Variants in S100A13 observed in about 807,000 individuals in gnomAD.
The protein encoded by S100A13 is protein S100-A13.
Under a neutral mutation model 8.2 loss-of-function variants are expected in S100A13, and 6 were observed. The ratio of observed to expected loss-of-function variants is 0.73; its 90% CI spans 0.40 to 1.44. The LOEUF is 1.44. Among genes scored for constraint, S100A13 ranks in the 40% most tolerant of loss-of-function variants. The probability of loss-of-function intolerance (pLI) is 0.02; values close to 1 mark genes in which losing one functional copy is unlikely to be tolerated. For missense variants in S100A13, 114 were observed against 113.6 expected, an observed-to-expected ratio of 1.00 and a Z score of -0.02; for synonymous variants, 39 against 45.9, an observed-to-expected ratio of 0.85 and a Z score of 0.61.
chr1:153,626,590 T>C, intron 1 of S100A13, 57 bp from the exon 2 acceptor site: 4 of 1,040,044 alleles, frequency 3.8e-6, no homozygotes, highest in African/African-American at 1.6e-5. Context: ...GATGCAGGAA[T>C]GGTTCAGAAG....
chr1:153,622,270 C>T (rs546485722), intron 2 of S100A13, among the ~76,000 whole-genome samples: 2 of 152,024 alleles, frequency 1.3e-5, no homozygotes, highest in South Asian at 4.2e-4. Context: ...CTCAGGGAGG[C>T]TGAGCCAGGA....
chr1:153,630,440 T>C (rs1257315306), upstream of S100A13: 11 of 1,559,404 alleles, frequency 7.1e-6, no homozygotes, highest in East Asian at 1.1e-4. Flanking sequence ...GTCCTGAGGG[T>C]TCCCCTCACC....
At chr1:153,630,845 T>C (rs552011278), upstream of S100A13, among the ~76,000 whole-genome samples, 2 of 152,372 alleles carry the variant, frequency 1.3e-5, 1 homozygote, top group South Asian at 4.1e-4. Flanking sequence ...CAAAATGCCC[T>C]GGTTTATTGA....
chr1:153,632,577 A>G (rs1054344265), upstream of S100A13, among the ~76,000 whole-genome samples: 2 of 152,036 alleles, frequency 1.3e-5, no homozygotes, highest in Admixed American at 6.6e-5. Context: ...GGCCGAAAGA[A>G]TCTTCTTTCA....
chr1:153,627,990 A>G, upstream of S100A13: 1 of 1,530,978 alleles, frequency 6.5e-7, no homozygotes, highest in South Asian at 1.2e-5. Context: ...CCCCCAGAGA[A>G]GAGTCCTGGA....
At chr1:153,633,702 C>T (rs1422644600), upstream of S100A13, among the ~76,000 whole-genome samples, 3 of 152,138 alleles carry the variant, frequency 2.0e-5, no homozygotes, top group African/African-American at 7.2e-5. Flanking sequence ...CCCAATTGTC[C>T]GGAAGAAGAC....
intron 2 of S100A13, among the ~76,000 whole-genome samples, chr1:153,624,993 T>G (rs888621463): frequency 6.6e-6 from 1 of 152,106 alleles, no homozygotes; most frequent in Non-Finnish European, 1.5e-5. Flanking sequence ...GAGAACCACT[T>G]GAACCCAGGA....
At chr1:153,631,310 T>C, upstream of S100A13, 1 of 739,750 alleles carries the variant, frequency 1.4e-6, no homozygotes, top group African/African-American at 1.8e-5. Context: ...TGCTACTTTC[T>C]AGCTGTGGGA....
upstream of S100A13, chr1:153,628,579 G>T: frequency 1.3e-6 from 2 of 1,530,306 alleles, no homozygotes; most frequent in Non-Finnish European, 1.8e-6. Flanking sequence ...AAGAGGCTGG[G>T]GACCATAGCA....
chr1:153,622,540 A>G (rs758079999), intron 2 of S100A13, among the ~76,000 whole-genome samples: 1 of 151,818 alleles, frequency 6.6e-6, no homozygotes, highest in Non-Finnish European at 1.5e-5. Flanking sequence ...GGCTGGGCAT[A>G]GTGGCTCATG....
chr1:153,623,531 G>A (rs568122727), intron 2 of S100A13, among the ~76,000 whole-genome samples: 5 of 152,098 alleles, frequency 3.3e-5, no homozygotes, highest in South Asian at 2.1e-4. Flanking sequence ...GATTACAGGC[G>A]CACACAACCA....
At position 153,626,433 on chromosome 1, in the gene S100A13, C is replaced by T. The variant is rs778292793; in HGVS notation, c.40G>A (p.Glu14Lys). 1 of 1,614,220 alleles carries T rather than the reference C, an allele frequency of 6.2e-7. No homozygotes were observed. Among genetic ancestry groups the T allele is most frequent in the Non-Finnish European group, 8.5e-7 (1 of 1,180,048 alleles). Residue 14 changes from glutamate to lysine, a missense_variant, in exon 2 of 3, where the codon GAG becomes AAG. Transcript: ENST00000476133. ...GTGAAGAAGGTGGTGACCACGGTCT[C>T]AATGGACTCCTCTAGCTCTGTCAGT... is the stretch of plus-strand genomic sequence containing the variant. ...EPLTELEESI[E>K]TVVTTFFTFA...
chr1:153,627,919 C>T (rs1165869413), upstream of S100A13: 8 of 1,048,576 alleles, frequency 7.6e-6, no homozygotes, highest in African/African-American at 3.2e-5. Flanking sequence ...TGCTACAGAC[C>T]AAGATCCCTC....
upstream of S100A13, chr1:153,629,430 G>A (rs1370881287): frequency 6.6e-6 from 1 of 152,244 alleles, no homozygotes; most frequent in Non-Finnish European, 1.5e-5. Context: ...CAGCCCCCTA[G>A]GCCTGGGGAA....
chr1:153,628,291 G>C, upstream of S100A13: 1 of 1,515,484 alleles, frequency 6.6e-7, no homozygotes, highest in Non-Finnish European at 8.9e-7. Context: ...AGGGCCGCCT[G>C]TTCCAGCCCA....
intron 2 of S100A13, among the ~76,000 whole-genome samples, chr1:153,622,195 C>A (rs908339770): frequency 4.6e-5 from 7 of 152,118 alleles, no homozygotes; most frequent in Admixed American, 2.6e-4. Flanking sequence ...CATGGCGAAA[C>A]CTCGTCTCTA....
At chr1:153,632,072 G>A, upstream of S100A13, 1 of 556,524 alleles carries the variant, frequency 1.8e-6, no homozygotes, top group South Asian at 2.1e-5. Context: ...ATCTGGAAGT[G>A]GGTGGAGACG....
At chr1:153,623,234 G>C (rs1385125317) in intron 2 of S100A13, among the ~76,000 whole-genome samples, 1 of 152,210 alleles carries the variant, frequency 6.6e-6, no homozygotes, top group African/African-American at 2.4e-5. Context: ...CGGTCACCCA[G>C]ACTGGAGTGC....
chr1:153,619,513 T>G (rs1471551145), intron 2 of S100A13, among the ~76,000 whole-genome samples: 1 of 152,164 alleles, frequency 6.6e-6, no homozygotes, highest in African/African-American at 2.4e-5. Context: ...AGCTGCTCAT[T>G]TGCACAACCC....
Sources: gnomAD v4.1 joint callset for allele counts (sites outside exome capture counted in the v4.1 genomes callset) on GRCh38, gnomAD v4.1.1 for gene constraint, MANE v1.5 for transcripts, NCBI Gene and HGNC (gene_info 2026-07-23, HGNC 2026-07-21) for gene names.